Variants in CABIN1 observed in about 807,000 individuals in gnomAD.
CABIN1 encodes calcineurin-binding protein cabin-1.
A neutral mutation model predicts 227.7 loss-of-function variants in CABIN1; 133 were observed. The ratio of observed to expected loss-of-function variants is 0.58; its 90% CI spans 0.51 to 0.67. The LOEUF (loss-of-function observed/expected upper bound fraction) is 0.67. Ranked by LOEUF, CABIN1 falls within the 30% of genes least tolerant of loss-of-function variation. CABIN1 has a pLI of 0.00. For synonymous variants in CABIN1, 1,086 were observed against 1,155.1 expected (o/e 0.94, Z 1.21); for missense variants, 2,408 against 2,852.5 (o/e 0.84, Z 3.55).
At chr22:24,112,534 TC>T (rs1308377099) in intron 26 of CABIN1, among the ~76,000 whole-genome samples, 1 of 152,068 alleles carries the variant, frequency 6.6e-6, no homozygotes, top group African/African-American at 2.4e-5. Context: ...GTTCTTGCCT[TC>T]TCCCTGCAGT....
chr22:24,160,213 C>T (rs2046071414), intron 29 of CABIN1: 1 of 152,194 alleles, frequency 6.6e-6, no homozygotes, highest in Non-Finnish European at 1.5e-5. Flanking sequence ...TATGTCCCTA[C>T]TCAGCCCACA....
intron 1 of CABIN1, among the ~76,000 whole-genome samples, chr22:24,025,330 C>G (rs1215533117): frequency 1.3e-5 from 2 of 152,160 alleles, no homozygotes; most frequent in East Asian, 3.8e-4. Context: ...ATGTCTGATT[C>G]AAAAGGGGGG....
intron 4 of CABIN1, among the ~76,000 whole-genome samples, chr22:24,039,013 T>C (rs1247466862): frequency 6.6e-6 from 1 of 152,206 alleles, no homozygotes; most frequent in Non-Finnish European, 1.5e-5. Flanking sequence ...GAGCAAGACC[T>C]GGTCCCAGCA....
chr22:24,043,113 TGTGCCA>T, intron 6 of CABIN1, 29 bp downstream of exon 6: 1 of 1,609,360 alleles, frequency 6.2e-7, no homozygotes, highest in Non-Finnish European at 8.5e-7. Flanking sequence ...CTTTCTTCCA[TGTGCCA>T]GTGGTTTTTG....
intron 29 of CABIN1, among the ~76,000 whole-genome samples, chr22:24,146,361 C>T (rs983079946): frequency 2.0e-5 from 3 of 152,254 alleles, no homozygotes; most frequent in African/African-American, 7.2e-5. Flanking sequence ...AGCTCTCCTT[C>T]CTTCCCACAT....
intron 34 of CABIN1, 76 bp downstream of exon 34, chr22:24,172,071 T>C (rs1380057262): frequency 1.3e-6 from 2 of 1,525,072 alleles, no homozygotes; most frequent in Non-Finnish European, 1.8e-6. Context: ...AGAGTGTGAG[T>C]ATGGGTAAGG....
chr22:24,014,993 G>C lies in CABIN1; in HGVS notation c.-75+3626G>C, dbSNP rs571291753. 5.3e-5 allele frequency among the ~76,000 whole-genome samples: 8 copies of C among 152,206 alleles called. No homozygotes were observed. The South Asian group carries it at 1.7e-3, about 32-fold the overall frequency. ...AATAGTATGTTTTAGGCCAGGCGTG[G>C]TGGCTCATGCCTGTAATCCCAGCAC... On this transcript the variant is annotated intron_variant, in intron 1 of 36. Coordinates refer to ENST00000263119, the MANE Select transcript of CABIN1 (RefSeq NM_012295.4).
intron 26 of CABIN1, among the ~76,000 whole-genome samples, chr22:24,108,638 A>G (rs2042644418): frequency 6.6e-6 from 1 of 152,248 alleles, no homozygotes; most frequent in African/African-American, 2.4e-5. Context: ...GCAGCTATGA[A>G]GGAAGGGCTA....
Position 24,177,699 on chromosome 22 carries a change from A to C in CABIN1, c.6401A>C (p.Lys2134Thr), listed in dbSNP as rs1257365881. 1 of 1,613,696 alleles carries C rather than the reference A, an allele frequency of 6.2e-7. No individual in the cohort carries two copies. The highest frequency in any genetic ancestry group is 8.5e-7 in the Non-Finnish European group (1 of 1,179,790). ...AKSRPLPNMP[K>T]LVIPSAATKF... ...TCCCGCCCCCTGCCCAACATGCCAA[A>C]GCTGGTCATCCCCTCCGCCGCCACC... is the stretch of plus-strand genomic sequence containing the variant. Residue 2134 changes from lysine to threonine, a missense_variant, in exon 36 of 37, where the codon AAG (lysine) becomes ACG (threonine). Lys to Thr is a moderately conservative substitution (Grantham distance 78, BLOSUM62 -1). Coordinates refer to ENST00000263119, the MANE Select transcript of CABIN1 (RefSeq NM_012295.4). This position sits in a 1 kb window ranked among gnomAD's most constrained non-coding sequence, Gnocchi z 4.4.
At chr22:24,138,351 T>G (rs921948381) in intron 29 of CABIN1, among the ~76,000 whole-genome samples, 3 of 152,178 alleles carry the variant, frequency 2.0e-5, no homozygotes, top group Admixed American at 6.5e-5. Flanking sequence ...ACTACAGACA[T>G]GCACCACCAT....
chr22:24,150,022 AAG>A (rs1348340032), intron 29 of CABIN1, among the ~76,000 whole-genome samples: 2 of 152,186 alleles, frequency 1.3e-5, no homozygotes, highest in Non-Finnish European at 2.9e-5. Flanking sequence ...GGGGCACCAA[AAG>A]AGGCTGCGTT....
At chr22:24,087,749 T>C in intron 23 of CABIN1, 36 bp downstream of exon 23, 1 of 1,611,886 alleles carries the variant, frequency 6.2e-7, no homozygotes, top group South Asian at 1.1e-5. Context: ...CTTGCCATCC[T>C]TCTGTCCAGA....
intron 28 of CABIN1, among the ~76,000 whole-genome samples, chr22:24,124,664 A>G (rs1364141010): frequency 6.6e-6 from 1 of 152,238 alleles, no homozygotes; most frequent in African/African-American, 2.4e-5. Context: ...CTTTGAGCCC[A>G]TATAGGCACC....
At chr22:24,149,256 G>A (rs766461861) in intron 29 of CABIN1, among the ~76,000 whole-genome samples, 1 of 152,236 alleles carries the variant, frequency 6.6e-6, no homozygotes, top group Non-Finnish European at 1.5e-5. Flanking sequence ...GACCTGAGTG[G>A]CTTTGAGCAA....
At chr22:24,170,503 AACACC>A (rs938077020) in intron 33 of CABIN1, among the ~76,000 whole-genome samples, 1 of 152,152 alleles carries the variant, frequency 6.6e-6, no homozygotes, top group Admixed American at 6.5e-5. Context: ...AGGCTGCTAC[AACACC>A]ACTGGTATTG....
intron 1 of CABIN1, among the ~76,000 whole-genome samples, chr22:24,016,042 T>A (rs369367900): frequency 4.7e-4 from 72 of 152,264 alleles, no homozygotes; most frequent in African/African-American, 1.6e-3. Flanking sequence ...TACAATTGAG[T>A]GGTTTTTAGT....
intron 26 of CABIN1, among the ~76,000 whole-genome samples, chr22:24,108,405 T>G (rs1029211233): frequency 2.6e-5 from 4 of 152,254 alleles, no homozygotes; most frequent in Non-Finnish European, 5.9e-5. Flanking sequence ...TTGTGAGGGC[T>G]GCAGGCCTGC....
chr22:24,115,604 G>A (rs972578805), intron 27 of CABIN1, among the ~76,000 whole-genome samples: 6 of 152,182 alleles, frequency 3.9e-5, no homozygotes, highest in African/African-American at 1.4e-4. Flanking sequence ...ATAGTTCTGG[G>A]AGCAGAGCAC....
intron 24 of CABIN1, among the ~76,000 whole-genome samples, chr22:24,092,687 A>AGAGTGT (rs1555945747): frequency 7.2e-6 from 1 of 138,714 alleles, no homozygotes; most frequent in African/African-American, 2.7e-5. Context: ...TGATTATAAA[A>AGAGTGT]GTGTGTGTGT....
Sources: gnomAD v4.1 joint callset for allele counts (sites outside exome capture counted in the v4.1 genomes callset) on GRCh38, gnomAD v4.1.1 for gene constraint, Gnocchi (gnomAD v3.1) non-coding constraint, MANE v1.5 for transcripts, NCBI Gene and HGNC (gene_info 2026-07-23, HGNC 2026-07-21) for gene names.